UBE2L3: variants seen among roughly 807,000 people sequenced by gnomAD.
The protein encoded by UBE2L3 is ubiquitin conjugating enzyme E2 L3.
A neutral mutation model predicts 17.8 loss-of-function variants in UBE2L3; 1 was observed. The observed-to-expected ratio is 0.06, with a 90% confidence interval of 0.02 to 0.27. The LOEUF (loss-of-function observed/expected upper bound fraction) is 0.27, where lower values mean the gene tolerates loss of function less well. Among genes scored for constraint, UBE2L3 ranks in the 10% least tolerant of loss-of-function variants. The pLI, the probability that UBE2L3 is intolerant of heterozygous loss-of-function variation, is 1.00. For missense variants in UBE2L3, 40 were observed against 192.6 expected (o/e 0.21, Z 4.69); for synonymous variants, 44 against 68.5 (o/e 0.64, Z 1.76).
intron 1 of UBE2L3, 104 bp from the exon 2 acceptor site, chr22:21,592,757 A>G: frequency 1.1e-6 from 1 of 905,306 alleles, no homozygotes; most frequent in Non-Finnish European, 1.8e-6. Flanking sequence ...CAATTTTGTC[A>G]TTAGCATTTT....
intron 2 of UBE2L3, among the ~76,000 whole-genome samples, chr22:21,609,859 C>T (rs1026781382): frequency 4.6e-5 from 7 of 152,000 alleles, no homozygotes; most frequent in Non-Finnish European, 7.4e-5. Context: ...AACCGCATGT[C>T]TACTAAAGAT....
At chr22:21,569,223 C>T (rs1241564554) in intron 1 of UBE2L3, among the ~76,000 whole-genome samples, 1 of 151,958 alleles carries the variant, frequency 6.6e-6, no homozygotes, top group Non-Finnish European at 1.5e-5. Context: ...TGGTGAAACC[C>T]TGTCTCTACT....
At chr22:21,588,953 C>T (rs370960019) in intron 1 of UBE2L3, among the ~76,000 whole-genome samples, 7 of 152,222 alleles carry the variant, frequency 4.6e-5, no homozygotes. Flanking sequence ...TGAGCCACTG[C>T]ACCCGGGCTG....
intron 1 of UBE2L3, among the ~76,000 whole-genome samples, chr22:21,557,941 G>A (rs2148389700): frequency 6.6e-6 from 1 of 150,838 alleles, no homozygotes; most frequent in African/African-American, 2.4e-5. Flanking sequence ...TGCCCATTGT[G>A]TGCTCACACA....
intron 1 of UBE2L3, among the ~76,000 whole-genome samples, chr22:21,583,134 C>T (rs970978329): frequency 3.3e-5 from 5 of 152,200 alleles, no homozygotes; most frequent in African/African-American, 1.2e-4. Context: ...TTCTGCTTCC[C>T]TAACGCCCCC....
At chr22:21,614,146 T>G (rs527255461) in intron 3 of UBE2L3, among the ~76,000 whole-genome samples, 1 of 152,314 alleles carries the variant, frequency 6.6e-6, no homozygotes, top group African/African-American at 2.4e-5. Flanking sequence ...TGCCATTCCT[T>G]CTCCCACCTG....
intron 1 of UBE2L3, among the ~76,000 whole-genome samples, chr22:21,578,814 C>CT (rs1320435114): frequency 2.0e-5 from 3 of 152,006 alleles, no homozygotes; most frequent in Admixed American, 2.0e-4. Context: ...GCTGTAACCT[C>CT]TGAGAAGCAC....
intron 1 of UBE2L3, among the ~76,000 whole-genome samples, chr22:21,576,970 ATT>A (rs149443941): frequency 7.1e-5 from 9 of 125,980 alleles, no homozygotes; most frequent in Admixed American, 1.6e-4. Context: ...TGCCTGGCTA[ATT>A]TTTTTTTTTT....
upstream of UBE2L3, among the ~76,000 whole-genome samples, chr22:21,563,609 C>A (rs768207940): frequency 2.8e-5 from 4 of 145,052 alleles, no homozygotes; most frequent in Non-Finnish European, 6.0e-5. Context: ...CGGACTCTCA[C>A]TCTGTCACCC....
chr22:21,555,933 A>T (rs1331378965), intron 1 of UBE2L3, among the ~76,000 whole-genome samples: 36 of 152,258 alleles, frequency 2.4e-4, no homozygotes, highest in African/African-American at 8.7e-4. Context: ...CTCCATCTCA[A>T]AGAGAAATAA....
intron 1 of UBE2L3, among the ~76,000 whole-genome samples, chr22:21,586,787 C>G (rs548285736): frequency 1.3e-5 from 2 of 151,594 alleles, no homozygotes; most frequent in Non-Finnish European, 2.9e-5. Flanking sequence ...AGGCTGCTCT[C>G]AAACTCCTGT....
At chr22:21,593,952 T>G (rs550482520) in intron 2 of UBE2L3, among the ~76,000 whole-genome samples, 97 of 152,272 alleles carry the variant, frequency 6.4e-4, no homozygotes, top group Non-Finnish European at 9.7e-4. Context: ...CATAGATGAT[T>G]ATGCCAGACA....
At chr22:21,616,873 A>G (rs1365253624) in intron 3 of UBE2L3, among the ~76,000 whole-genome samples, 1 of 152,032 alleles carries the variant, frequency 6.6e-6, no homozygotes, top group African/African-American at 2.4e-5. Context: ...AGGAGGGGAA[A>G]TCACAAATAT....
chr22:21,612,625 G>A (rs1200996929), intron 3 of UBE2L3, among the ~76,000 whole-genome samples: 23 of 117,158 alleles, frequency 2.0e-4, no homozygotes, highest in African/African-American at 6.5e-4. Context: ...GCACCCAGCC[G>A]ATTTTTTCTT....
intron 3 of UBE2L3, among the ~76,000 whole-genome samples, chr22:21,618,481 C>T (rs1313551022): frequency 6.6e-6 from 1 of 151,988 alleles, no homozygotes. Flanking sequence ...AGGAGAATGG[C>T]ATGAGCCTGG....
At chr22:21,579,596 C>A (rs1927515598) in intron 1 of UBE2L3, among the ~76,000 whole-genome samples, 1 of 152,052 alleles carries the variant, frequency 6.6e-6, no homozygotes, top group Admixed American at 6.6e-5. Context: ...CATAGTGAGA[C>A]CCTGTCTCTG....
At chr22:21,561,104 G>A (rs1391627989) in intron 1 of UBE2L3, among the ~76,000 whole-genome samples, 7 of 152,372 alleles carry the variant, frequency 4.6e-5, no homozygotes, top group East Asian at 1.9e-4. Context: ...TCAGGACTTG[G>A]TCTGGCCCTC....
At chr22:21,569,290 G>T (rs1166528266) in intron 1 of UBE2L3, among the ~76,000 whole-genome samples, 1 of 151,848 alleles carries the variant, frequency 6.6e-6, no homozygotes, top group Non-Finnish European at 1.5e-5. Flanking sequence ...CAGCTACCCG[G>T]GAGGCTGAGG....
chr22:21,615,410 C>T (rs1207200872), intron 3 of UBE2L3, among the ~76,000 whole-genome samples: 2 of 151,710 alleles, frequency 1.3e-5, no homozygotes, highest in East Asian at 3.9e-4. Flanking sequence ...AAAAAATTAG[C>T]CGAGCTTGGT....
Sources: allele counts gnomAD v4.1 joint callset (sites outside exome capture counted in the v4.1 genomes callset), GRCh38; gene constraint gnomAD v4.1.1; transcripts MANE v1.5; gene names NCBI Gene and HGNC (gene_info 2026-07-23, HGNC 2026-07-21).